Variants in KLHL28 observed in about 807,000 individuals in gnomAD.
The protein encoded by KLHL28 is kelch like family member 28, also known as kelch-like protein 28.
In KLHL28, 22 loss-of-function variants were observed where a neutral mutation model predicts 48.3. The observed-to-expected ratio is 0.46, with a 90% CI of 0.33 to 0.65. KLHL28 has a LOEUF of 0.65. Among genes scored for constraint, KLHL28 ranks in the 30% least tolerant of loss-of-function variants. The pLI, the probability that KLHL28 is intolerant of heterozygous loss-of-function variation, is 0.03. For synonymous variants in KLHL28, 243 were observed against 242.4 expected, an observed-to-expected ratio of 1.00 and a Z score of -0.02; for missense variants, 527 against 704.3, an observed-to-expected ratio of 0.75 and a Z score of 2.85.
rs1883444363 is a variant in KLHL28, at chr14:44,928,395, A to G, written c.*633T>C. 1 of 152,162 alleles carries G rather than the reference A, an allele frequency of 6.6e-6. No homozygotes were observed. Among genetic ancestry groups the G allele is most frequent in the South Asian group, 2.1e-4 (1 of 4,824 alleles). 9.4% of individuals were successfully genotyped at this position (152,162 alleles called of 1,614,324 possible). ...ATCTGATTTCCTAAAATAGGGCCCC[A>G]AATATCATGATAATAAAAGCAATTG... On this transcript the variant is annotated 3_prime_UTR_variant, in exon 5 of 5. Coordinates refer to ENST00000396128, the MANE Select transcript of KLHL28 (RefSeq NM_017658.5).
intron 2 of KLHL28, among the ~76,000 whole-genome samples, chr14:44,937,846 T>C (rs1163137624): frequency 6.6e-6 from 1 of 152,078 alleles, no homozygotes; most frequent in African/African-American, 2.4e-5. Context: ...GCAGCCGGAC[T>C]TATCCTTTTA....
At chr14:44,935,148 G>A (rs1347777961) in intron 2 of KLHL28, among the ~76,000 whole-genome samples, 1 of 152,188 alleles carries the variant, frequency 6.6e-6, no homozygotes, top group Non-Finnish European at 1.5e-5. Flanking sequence ...GGCAATGAAA[G>A]GAACAAACTA....
At position 44,925,905 on chromosome 14, in the gene KLHL28, A is replaced by G. The variant is rs1883358138; in HGVS notation, c.*3123T>C. The G allele has an allele frequency of 6.6e-6, 1 of 152,230 alleles. No homozygotes were observed. Among genetic ancestry groups the G allele is most frequent in the Non-Finnish European group, 1.5e-5 (1 of 68,024 alleles). The allele number at this position is 152,230 out of a possible 1,614,324, so 9.4% of individuals were successfully genotyped here. ...TAAGTTGTTATAATTATAGAAGGCA[A>G]GTATCTTGCAACTGATTACATTAAT... On this transcript the variant is annotated 3_prime_UTR_variant, in exon 5 of 5. Transcript: ENST00000396128.
rs1885125359 is a variant in KLHL28 at position 44,961,856 on chromosome 14, G to A, written c.-11C>T. The A allele has an allele frequency of 6.5e-6, 1 of 152,722 alleles. No individual in the cohort carries two copies. The highest frequency in any genetic ancestry group is 2.4e-5 in the African/African-American group (1 of 41,474). The allele number at this position is 152,722 out of a possible 1,614,324, so 9.5% of individuals were successfully genotyped here. On this transcript the variant is annotated 5_prime_UTR_variant, in exon 1 of 5. Transcript: ENST00000396128. ...GCAAAAGGAAAATACCTGAGTCTCAGTAATCACACGGGCAGCGACAGGAGG... is the reference window on the plus strand; with the variant it reads ...GCAAAAGGAAAATACCTGAGTCTCAATAATCACACGGGCAGCGACAGGAGG...
chr14:44,930,969 A>G (rs1396241204), intron 4 of KLHL28, among the ~76,000 whole-genome samples: 1 of 152,256 alleles, frequency 6.6e-6, no homozygotes, highest in Non-Finnish European at 1.5e-5. Flanking sequence ...TTACTGATAT[A>G]CAATAGAAAA....
At chr14:44,961,676 G>A (rs1566583753) in intron 1 of KLHL28, 170 bp downstream of exon 1, 1 of 152,214 alleles carries the variant, frequency 6.6e-6, no homozygotes, top group Non-Finnish European at 1.5e-5. Flanking sequence ...CAGTTACTCA[G>A]GGTGGTAGAG....
rs748265606 is a variant in KLHL28, at chr14:44,945,490, A to G, written c.439T>C (p.Tyr147His). The G allele has an allele frequency of 6.2e-7, 1 of 1,614,232 alleles. No individual in the cohort carries two copies. The highest frequency in any genetic ancestry group is 2.2e-5 in the East Asian group (1 of 44,888). ...CIGISRFAET[Y>H]GCRDLYLAAT... ...GCCAAATAAAGGTCACGGCAACCAT[A>G]TGTTTCTGCAAAACGAGAAATTCCA... The change falls in exon 2 of 5, where the codon TAT becomes CAT. Residue 147 changes from tyrosine to histidine, a missense_variant. By Grantham distance (83) the Tyr-to-His change is moderately conservative. Coordinates refer to ENST00000396128, the MANE Select transcript of KLHL28 (RefSeq NM_017658.5).
chr14:44,956,283 C>A (rs2138669182), intron 1 of KLHL28, among the ~76,000 whole-genome samples: 1 of 152,170 alleles, frequency 6.6e-6, no homozygotes, highest in East Asian at 1.9e-4. Flanking sequence ...TTAAAAGTAT[C>A]CCTGTTAATA....
Position 44,924,647 on chromosome 14 carries a change from G to A in KLHL28, c.*4381C>T, listed in dbSNP as rs946169087. 1.3e-5 allele frequency: 2 copies of A among 152,446 alleles called. No individual in the cohort carries two copies. Among genetic ancestry groups the A allele is most frequent in the African/African-American group, 4.8e-5 (2 of 41,392 alleles). 9.4% of individuals were successfully genotyped at this position (152,446 alleles called of 1,614,324 possible). A position where few individuals can be genotyped will look rare whatever the true frequency, so the allele number is the denominator to read the frequency against. On this transcript the variant is annotated 3_prime_UTR_variant, in exon 5 of 5. Coordinates refer to ENST00000396128, the MANE Select transcript of KLHL28 (RefSeq NM_017658.5). The stretch of plus-strand genomic sequence containing the variant: ...TCAGAATCCTGTTAAAATCAAAACC[G>A]TTGCTGGTTTATAATACACAGCACA...
chr14:44,934,083 A>G (rs1314700502), intron 3 of KLHL28, 32 bp downstream of exon 3: 2 of 1,501,696 alleles, frequency 1.3e-6, no homozygotes, highest in Non-Finnish European at 1.8e-6. Flanking sequence ...AAAATCCATA[A>G]ACATATGCAA....
At chr14:44,938,839 G>T (rs1883948223) in intron 2 of KLHL28, among the ~76,000 whole-genome samples, 3 of 152,156 alleles carry the variant, frequency 2.0e-5, no homozygotes, top group Admixed American at 2.0e-4. Context: ...TGTGCCTACA[G>T]TTCTGACAGG....
In KLHL28 at chr14:44,926,233, A is replaced by G. The variant is rs1026604286; in HGVS notation, c.*2795T>C. On this transcript the variant is annotated 3_prime_UTR_variant, in exon 5 of 5. Transcript: ENST00000396128. ...ATAATACAGTAGGTTAAGCAATCCT[A>G]AAATAAATATACTTCTAAATTTTGA... 1.1e-4 allele frequency: 17 copies of G among 152,360 alleles called. No individual in the cohort carries two copies. The highest frequency in any genetic ancestry group is 7.2e-4 in the Admixed American group (11 of 15,308). The allele number at this position is 152,360 out of a possible 1,614,324, so 9.4% of individuals were successfully genotyped here.
intron 1 of KLHL28, among the ~76,000 whole-genome samples, chr14:44,955,901 C>A (rs1314040679): frequency 6.6e-6 from 1 of 152,168 alleles, no homozygotes; most frequent in Non-Finnish European, 1.5e-5. Context: ...AAAGACAGGA[C>A]AAACTGATCA....
intron 2 of KLHL28, among the ~76,000 whole-genome samples, chr14:44,935,858 G>C (rs1404322944): frequency 2.9e-5 from 2 of 69,244 alleles, no homozygotes; most frequent in African/African-American, 8.9e-5. Context: ...TTGCATGTAT[G>C]TATGTGTATG....
chr14:44,961,295 G>GCAGA (rs1885080372), intron 1 of KLHL28, among the ~76,000 whole-genome samples: 1 of 152,128 alleles, frequency 6.6e-6, no homozygotes, highest in Non-Finnish European at 1.5e-5. Context: ...GGCTAGGGCG[G>GCAGA]CAGACGGAGG....
chr14:44,943,723 T>C (rs1456422343), intron 2 of KLHL28, among the ~76,000 whole-genome samples: 1 of 151,442 alleles, frequency 6.6e-6, no homozygotes, highest in African/African-American at 2.4e-5. Context: ...CGGACTTTTT[T>C]TTTTTTTTCA....
chr14:44,955,732 G>T (rs1397427458), intron 1 of KLHL28, among the ~76,000 whole-genome samples: 2 of 152,200 alleles, frequency 1.3e-5, no homozygotes, highest in Non-Finnish European at 2.9e-5. Flanking sequence ...GCTGCAGTGT[G>T]CAGTGATTGC....
chr14:44,960,976 C>A, intron 1 of KLHL28: 2 of 1,153,120 alleles, frequency 1.7e-6, no homozygotes, highest in Non-Finnish European at 2.5e-6. Context: ...ACGAGTCATT[C>A]AAAAGTAATA....
intron 2 of KLHL28, among the ~76,000 whole-genome samples, chr14:44,937,432 C>T (rs1883872993): frequency 6.6e-6 from 1 of 152,072 alleles, no homozygotes. Context: ...CAGGCGTGAT[C>T]CACTGTGCCC....
Sources: gnomAD v4.1 joint callset for allele counts (sites outside exome capture counted in the v4.1 genomes callset) on GRCh38, gnomAD v4.1.1 for gene constraint, MANE v1.5 for transcripts, NCBI Gene and HGNC (gene_info 2026-07-23, HGNC 2026-07-21) for gene names.